DLGAP4: variants seen among roughly 807,000 people sequenced by gnomAD.
DLGAP4 encodes disks large-associated protein 4.
Under a neutral mutation model 86.9 loss-of-function variants are expected in DLGAP4, and 18 were observed. The observed-to-expected ratio is 0.21, with a 90% CI of 0.14 to 0.31. DLGAP4 has a LOEUF of 0.31. DLGAP4 is among the 10% of genes least tolerant of loss of function. The pLI is 1.00. For missense variants in DLGAP4, 1,085 were observed against 1,362.6 expected (o/e 0.80, Z 3.21); for synonymous variants, 548 against 574.3 (o/e 0.95, Z 0.65).
At chr20:36,461,795 A>C in intron 7 of DLGAP4, 1 of 835,872 alleles carries the variant, frequency 1.2e-6, no homozygotes, top group Non-Finnish European at 1.4e-6. Context: ...TCCAGCCGCC[A>C]GTCCTCCAGC....
chr20:36,416,953 T>C (rs1373632388), intron 2 of DLGAP4, among the ~76,000 whole-genome samples: 1 of 152,200 alleles, frequency 6.6e-6, no homozygotes, highest in Non-Finnish European at 1.5e-5. Flanking sequence ...GTGCACCTAC[T>C]AGGTGCCAAC....
rs148193878 is a variant in DLGAP4, at chr20:36,523,016, G to A, written c.2513-1234G>A. On this transcript the variant is annotated intron_variant, in intron 10 of 12. Coordinates refer to ENST00000339266, the MANE Select transcript of DLGAP4 (RefSeq NM_001365621.2). ...ATGCTACCATGCCTGGCTTATTTTT[G>A]TATTTTCTGTAGAGATGGACTTTTA... is the stretch of plus-strand genomic sequence containing the variant. Among the ~76,000 whole-genome samples the A allele has an allele frequency of 2.1e-3, 311 of 151,234 alleles. 1 individual carries two copies. The highest frequency in any genetic ancestry group is 7.4e-3 in the African/African-American group (302 of 40,554).
chr20:36,429,500 G>T (rs1448894121), intron 2 of DLGAP4, among the ~76,000 whole-genome samples: 2 of 147,670 alleles, frequency 1.4e-5, no homozygotes, highest in Non-Finnish European at 3.0e-5. Flanking sequence ...TGCCTCCTGG[G>T]CTCAAGTGAT....
At chr20:36,347,935 A>G (rs782107164) in intron 1 of DLGAP4, among the ~76,000 whole-genome samples, 12 of 151,996 alleles carry the variant, frequency 7.9e-5, no homozygotes, top group Non-Finnish European at 1.5e-4. Context: ...CAGAACCTAG[A>G]CTTCTTCAAT....
intron 5 of DLGAP4, among the ~76,000 whole-genome samples, chr20:36,442,449 C>T (rs1355254636): frequency 1.3e-5 from 2 of 152,212 alleles, no homozygotes; most frequent in African/African-American, 4.8e-5. Flanking sequence ...CCGCCTCGAC[C>T]TCCCAGAGTG....
At chr20:36,365,071 G>T (rs1285434622) in intron 1 of DLGAP4, among the ~76,000 whole-genome samples, 1 of 152,116 alleles carries the variant, frequency 6.6e-6, no homozygotes, top group East Asian at 1.9e-4. Flanking sequence ...CTCTAGTCTG[G>T]GCAACAAAGT....
Position 36,500,444 on chromosome 20 carries a change from C to A in DLGAP4, c.2345C>A (p.Pro782His). Residue 782 changes from proline (P) to histidine (H), a missense_variant, in exon 10 of 13, where the codon CCC (proline) becomes CAC (histidine). Pro to His is a moderately conservative substitution (Grantham distance 77, BLOSUM62 -2). Coordinates refer to ENST00000339266, the MANE Select transcript of DLGAP4 (RefSeq NM_001365621.2). The surrounding 1 kb of genome is among the most constrained non-coding windows in gnomAD (Gnocchi z 4.6). ...GCGTCCTCGCTGCCCCCACCCGACC[C>A]CTGGCTCGAGACCTCCTCCAGCTCC... Reference protein sequence around the residue: ...LEASSLPPPDPWLETSSSSPA... With the variant: ...LEASSLPPPDHWLETSSSSPA... The A allele has an allele frequency of 6.3e-7, 1 of 1,579,312 alleles. No individual in the cohort carries two copies.
chr20:36,483,617 C>T (rs1013149095), intron 7 of DLGAP4, among the ~76,000 whole-genome samples: 1 of 152,214 alleles, frequency 6.6e-6, no homozygotes, highest in African/African-American at 2.4e-5. Flanking sequence ...AAGAGCCTTC[C>T]TCAGGCCCCC....
chr20:36,524,372 G>T, intron 11 of DLGAP4, 31 bp downstream of exon 11: 1 of 1,590,946 alleles, frequency 6.3e-7, no homozygotes, highest in East Asian at 2.2e-5. Flanking sequence ...TCCACAGCAG[G>T]GCTTCCAGCC....
intron 1 of DLGAP4, among the ~76,000 whole-genome samples, chr20:36,316,032 G>A (rs986473349): frequency 6.6e-6 from 1 of 152,198 alleles, no homozygotes; most frequent in Non-Finnish European, 1.5e-5. Context: ...GGAGGCCAGC[G>A]GGAAGGCAGC....
chr20:36,337,465 G>C (rs1469252313), intron 1 of DLGAP4, among the ~76,000 whole-genome samples: 1 of 152,154 alleles, frequency 6.6e-6, no homozygotes, highest in Non-Finnish European at 1.5e-5. Context: ...AGGGAGTCCA[G>C]ATAAAGAGGG....
chr20:36,307,113 A>AC (rs1304064826), intron 1 of DLGAP4, among the ~76,000 whole-genome samples: 1 of 149,988 alleles, frequency 6.7e-6, no homozygotes, highest in African/African-American at 2.5e-5. Flanking sequence ...CGGGGGCAGC[A>AC]CCCCCCTCCC....
At chr20:36,436,708 C>A (rs2033291904) in intron 4 of DLGAP4, among the ~76,000 whole-genome samples, 1 of 151,960 alleles carries the variant, frequency 6.6e-6, no homozygotes, top group South Asian at 2.1e-4. Flanking sequence ...CCCAGCTACT[C>A]GGGAGGCTGA....
chr20:36,323,526 T>TA (rs2065189788), intron 1 of DLGAP4, among the ~76,000 whole-genome samples: 1 of 152,276 alleles, frequency 6.6e-6, no homozygotes, highest in East Asian at 1.9e-4. Context: ...GGAATATTTC[T>TA]AGTTTTTGAC....
chr20:36,492,018 G>A (rs897031433), intron 7 of DLGAP4, among the ~76,000 whole-genome samples: 2 of 152,186 alleles, frequency 1.3e-5, no homozygotes, highest in Non-Finnish European at 2.9e-5. Flanking sequence ...AAGAAGAGAC[G>A]GCAGTCGGGA....
intron 10 of DLGAP4, among the ~76,000 whole-genome samples, chr20:36,502,551 T>C (rs1025253068): frequency 1.4e-4 from 22 of 151,974 alleles, no homozygotes; most frequent in African/African-American, 5.3e-4. Flanking sequence ...AAGGTCTCCC[T>C]GCGTTGCCTA....
chr20:36,406,592 C>T (rs984550880), intron 2 of DLGAP4, among the ~76,000 whole-genome samples: 1 of 151,848 alleles, frequency 6.6e-6, no homozygotes, highest in Admixed American at 6.6e-5. Context: ...GGGGGCTGGC[C>T]GGTCAGTTGT....
intron 1 of DLGAP4, among the ~76,000 whole-genome samples, chr20:36,325,628 A>C (rs1409357332): frequency 6.6e-6 from 1 of 151,994 alleles, no homozygotes; most frequent in Non-Finnish European, 1.5e-5. Context: ...AAGCTTTGTT[A>C]TTCAATACAT....
chr20:36,365,938 G>T (rs1225145500), intron 1 of DLGAP4, among the ~76,000 whole-genome samples: 1 of 152,186 alleles, frequency 6.6e-6, no homozygotes, highest in Non-Finnish European at 1.5e-5. Flanking sequence ...CACCAGCTAG[G>T]CTTCTTCTGT....
Sources: gnomAD v4.1 joint callset for allele counts (sites outside exome capture counted in the v4.1 genomes callset) on GRCh38, gnomAD v4.1.1 for gene constraint, Gnocchi (gnomAD v3.1) non-coding constraint, MANE v1.5 for transcripts, NCBI Gene and HGNC (gene_info 2026-07-23, HGNC 2026-07-21) for gene names.